The following CDH4 variants were observed in gnomAD, a reference collection of about 807,000 sequenced individuals.
The protein encoded by CDH4 is cadherin 4.
In CDH4, 33 loss-of-function variants were observed where a neutral mutation model predicts 86.0. The ratio of observed to expected loss-of-function variants is 0.38; its 90% confidence interval spans 0.29 to 0.51. The LOEUF (loss-of-function observed/expected upper bound fraction) is 0.51, where lower values mean the gene tolerates loss of function less well. CDH4 is among the 20% of genes least tolerant of loss of function. The probability of loss-of-function intolerance (pLI) is 0.86; values close to 1 mark genes in which losing one functional copy is unlikely to be tolerated. For synonymous variants in CDH4, 555 were observed against 549.4 expected (o/e 1.01, Z -0.14); for missense variants, 1,114 against 1,307.4 (o/e 0.85, Z 2.28).
At chr20:61,697,909 TCTC>T (rs948786845) in intron 2 of CDH4, among the ~76,000 whole-genome samples, 14 of 152,282 alleles carry the variant, frequency 9.2e-5, no homozygotes, top group African/African-American at 2.9e-4. Flanking sequence ...ATCTGTTTCT[TCTC>T]TTTTGCGGAG....
chr20:61,570,902 A>G (rs1392330361), intron 2 of CDH4, among the ~76,000 whole-genome samples: 1 of 152,192 alleles, frequency 6.6e-6, no homozygotes, highest in East Asian at 1.9e-4. Context: ...TTCTCCTAAG[A>G]AAACGTCAGT....
intron 2 of CDH4, among the ~76,000 whole-genome samples, chr20:61,732,336 C>T (rs986222411): frequency 2.6e-5 from 4 of 152,134 alleles, no homozygotes; most frequent in Admixed American, 1.3e-4. Flanking sequence ...GTTCAAGTCC[C>T]AGCTCTCCAA....
At chr20:61,830,994 G>A (rs558746247) in intron 4 of CDH4, among the ~76,000 whole-genome samples, 22 of 152,268 alleles carry the variant, frequency 1.4e-4, no homozygotes, top group Admixed American at 7.2e-4. Flanking sequence ...TGAAGGCCTC[G>A]AGGGCAGGGA....
intron 3 of CDH4, among the ~76,000 whole-genome samples, chr20:61,762,601 C>A (rs557544162): frequency 2.6e-5 from 4 of 152,338 alleles, no homozygotes; most frequent in African/African-American, 9.6e-5. Context: ...GCCTGGAAGA[C>A]AAGGAGAGGC....
intron 2 of CDH4, among the ~76,000 whole-genome samples, chr20:61,307,556 G>GAACC (rs1182118834): frequency 2.0e-5 from 3 of 152,232 alleles, no homozygotes; most frequent in Non-Finnish European, 4.4e-5. Context: ...CCTGAATCTT[G>GAACC]AACCTAGCTG....
chr20:61,926,638 C>T (rs892555040), intron 11 of CDH4, among the ~76,000 whole-genome samples: 1 of 152,150 alleles, frequency 6.6e-6, no homozygotes, highest in Non-Finnish European at 1.5e-5. Flanking sequence ...TTTGGGAGGC[C>T]GAGGCAGGTG....
In CDH4 at chr20:61,623,162, G is replaced by A. The variant is rs1600815395; in HGVS notation, c.170-120401G>A. On this transcript the variant is annotated intron_variant, in intron 2 of 15. Coordinates refer to ENST00000614565, the MANE Select transcript of CDH4 (RefSeq NM_001794.5). This position sits in a 1 kb window ranked among gnomAD's most constrained non-coding sequence, Gnocchi z 4.4. ...TCCAGATGAGGATGTGGAGGTGGGA[G>A]TAGAAGGGCCTGGGTTCAAATCTCG... 6.6e-6 allele frequency among the ~76,000 whole-genome samples: 1 copy of A among 152,172 alleles called. No individual in the cohort carries two copies. Among genetic ancestry groups the A allele is most frequent in the South Asian group, 2.1e-4 (1 of 4,824 alleles).
chr20:61,523,670 A>G (rs1458480067), intron 2 of CDH4, among the ~76,000 whole-genome samples: 1 of 152,224 alleles, frequency 6.6e-6, no homozygotes, highest in Non-Finnish European at 1.5e-5. Flanking sequence ...GGATGGCCAC[A>G]GTGGGGCCAG....
intron 2 of CDH4, among the ~76,000 whole-genome samples, chr20:61,686,573 G>A (rs534931347): frequency 2.6e-5 from 4 of 151,876 alleles, no homozygotes; most frequent in African/African-American, 4.8e-5. Flanking sequence ...GTGCATTCGC[G>A]TGTGTGCATT....
intron 2 of CDH4, among the ~76,000 whole-genome samples, chr20:61,376,875 C>T (rs2084875693): frequency 6.6e-6 from 1 of 152,224 alleles, no homozygotes; most frequent in Non-Finnish European, 1.5e-5. Context: ...CTCTCTAGCA[C>T]TTCCCTGTGG....
At chr20:61,617,177 T>C (rs1330173059) in intron 2 of CDH4, among the ~76,000 whole-genome samples, 1 of 152,204 alleles carries the variant, frequency 6.6e-6, no homozygotes, top group African/African-American at 2.4e-5. Flanking sequence ...TGCTTTGTTC[T>C]TTCAGAACAT....
chr20:61,411,629 A>G (rs1437381285), intron 2 of CDH4, among the ~76,000 whole-genome samples: 5 of 152,022 alleles, frequency 3.3e-5, no homozygotes, highest in African/African-American at 1.2e-4. Flanking sequence ...CTCCATGTCT[A>G]CGTTGAACAG....
At chr20:61,612,878 G>A (rs945674930) in intron 2 of CDH4, among the ~76,000 whole-genome samples, 4 of 152,058 alleles carry the variant, frequency 2.6e-5, no homozygotes, top group Non-Finnish European at 5.9e-5. Context: ...GGTCTCTTTG[G>A]TCTTTGGCCG....
intron 2 of CDH4, among the ~76,000 whole-genome samples, chr20:61,329,128 C>T (rs530155737): frequency 8.5e-5 from 13 of 152,278 alleles, no homozygotes; most frequent in African/African-American, 2.6e-4. Flanking sequence ...GTGTGGGTGC[C>T]GAGGATGGTT....
At chr20:61,361,650 G>T (rs558288952) in intron 2 of CDH4, among the ~76,000 whole-genome samples, 2 of 152,172 alleles carry the variant, frequency 1.3e-5, no homozygotes, top group African/African-American at 2.4e-5. Context: ...ACAGACATCC[G>T]CTGAGCAGCA....
chr20:61,850,484 G>C (rs1042473840), intron 5 of CDH4, among the ~76,000 whole-genome samples: 30 of 152,330 alleles, frequency 2.0e-4, no homozygotes, highest in Admixed American at 4.6e-4. Flanking sequence ...GAGGAAAAGA[G>C]AGCAGCCAAG....
At chr20:61,764,344 C>A (rs1292367172) in intron 3 of CDH4, among the ~76,000 whole-genome samples, 1 of 152,208 alleles carries the variant, frequency 6.6e-6, no homozygotes, top group African/African-American at 2.4e-5. Flanking sequence ...CCTTTTGTCT[C>A]TTAAGCTCAT....
At chr20:61,926,638 C>CGAGGCAGGTGGATCATGAGGTCAG in intron 11 of CDH4, among the ~76,000 whole-genome samples, 1 of 152,150 alleles carries the variant, frequency 6.6e-6, no homozygotes, top group Non-Finnish European at 1.5e-5. Flanking sequence ...TTTGGGAGGC[C>CGAGGCAGGTGGATCATGAGGTCAG]GAGGCAGGTG....
intron 2 of CDH4, among the ~76,000 whole-genome samples, chr20:61,268,159 C>A (rs2084166540): frequency 6.6e-6 from 1 of 152,262 alleles, no homozygotes. Flanking sequence ...AGAGCCAGTG[C>A]CTGGAATGGG....
Sources: allele counts gnomAD v4.1 joint callset (sites outside exome capture counted in the v4.1 genomes callset), GRCh38; gene constraint gnomAD v4.1.1; non-coding constraint Gnocchi (gnomAD v3.1); transcripts MANE v1.5; gene names NCBI Gene and HGNC (gene_info 2026-07-23, HGNC 2026-07-21).